FAM110B: variants seen among roughly 807,000 people sequenced by gnomAD.
The protein encoded by FAM110B is protein FAM110B.
In FAM110B, 6 loss-of-function variants were observed where a neutral mutation model predicts 20.4. The ratio of observed to expected loss-of-function variants is 0.29; its 90% CI spans 0.16 to 0.58. The LOEUF (loss-of-function observed/expected upper bound fraction) is 0.58, where lower values mean the gene tolerates loss of function less well. Ranked by LOEUF, FAM110B falls within the 20% of genes least tolerant of loss-of-function variation. The pLI, the probability that FAM110B is intolerant of heterozygous loss-of-function variation, is 0.90. For missense variants in FAM110B, 434 were observed against 498.2 expected (o/e 0.87, Z 1.23); for synonymous variants, 226 against 214.1 (o/e 1.06, Z -0.49).
At chr8:58,062,692 A>C (rs1015661079) in intron 2 of FAM110B, among the ~76,000 whole-genome samples, 1 of 152,166 alleles carries the variant, frequency 6.6e-6, no homozygotes, top group African/African-American at 2.4e-5. Flanking sequence ...ACAATCCATA[A>C]AATTTCAGAA....
Position 58,019,850 on chromosome 8 carries a change from C to A in FAM110B, c.-511-11756C>A, listed in dbSNP as rs1804715150. ...TTTTTCTTTGTATTTGCTTTGAGTT[C>A]ACTGAGCTTCTTGGTTGATTTTTTT... On this transcript the variant is annotated intron_variant, in intron 1 of 3. Coordinates refer to ENST00000519262, the MANE Select transcript of FAM110B (RefSeq NM_001377989.1). Among the ~76,000 whole-genome samples the A allele has an allele frequency of 2.0e-5, 3 of 152,160 alleles. No homozygotes were observed. The South Asian group carries it at 6.2e-4, about 32-fold the overall frequency.
chr8:58,072,464 A>T (rs757616620), intron 2 of FAM110B, among the ~76,000 whole-genome samples: 1 of 152,258 alleles, frequency 6.6e-6, no homozygotes, highest in Non-Finnish European at 1.5e-5. Context: ...AGGCTTCTTT[A>T]TAACAGAATT....
intron 1 of FAM110B, among the ~76,000 whole-genome samples, chr8:58,015,559 T>C (rs775742083): frequency 6.6e-6 from 1 of 151,772 alleles, no homozygotes; most frequent in Non-Finnish European, 1.5e-5. Flanking sequence ...TGAAAAGGCA[T>C]GAGGGGCCGG....
chr8:58,123,151 AC>A (rs1807405825), intron 3 of FAM110B, among the ~76,000 whole-genome samples: 1 of 151,904 alleles, frequency 6.6e-6, no homozygotes, highest in Non-Finnish European at 1.5e-5. Flanking sequence ...CCTGCCAAGG[AC>A]CCCCTGGATG....
At chr8:58,094,180 C>T (rs1454757179) in intron 3 of FAM110B, among the ~76,000 whole-genome samples, 1 of 152,196 alleles carries the variant, frequency 6.6e-6, no homozygotes, top group African/African-American at 2.4e-5. Context: ...AATATACAAT[C>T]ATGTCATCTG....
intron 1 of FAM110B, among the ~76,000 whole-genome samples, chr8:58,009,107 C>T (rs952926463): frequency 2.0e-5 from 3 of 152,240 alleles, no homozygotes; most frequent in African/African-American, 7.2e-5. Flanking sequence ...TGCCTGACCA[C>T]TAGACAGGGG....
At chr8:58,138,659 G>A (rs1034863897) in intron 3 of FAM110B, among the ~76,000 whole-genome samples, 6 of 152,108 alleles carry the variant, frequency 3.9e-5, no homozygotes, top group Admixed American at 6.5e-5. Context: ...AGCTTGCTTC[G>A]CCCACCTGAC....
At chr8:58,052,217 A>G (rs73236447) in intron 2 of FAM110B, among the ~76,000 whole-genome samples, 8,407 of 152,258 alleles carry the variant, frequency 0.055, 306 homozygotes, top group South Asian at 0.11. Context: ...GAAATCTTCC[A>G]TGTTTGCAGT....
Position 58,077,505 on chromosome 8 carries a change from T to C in FAM110B, c.-325+1882T>C, listed in dbSNP as rs79657482. Among the ~76,000 whole-genome samples, 821 of 152,262 alleles carry C rather than the reference T, an allele frequency of 5.4e-3. 4 individuals are homozygous for C. Among genetic ancestry groups the C allele is most frequent in the Admixed American group, 8.0e-3 (122 of 15,292 alleles). On this transcript the variant is annotated intron_variant, in intron 3 of 3. Coordinates refer to ENST00000519262, the MANE Select transcript of FAM110B (RefSeq NM_001377989.1). ...GCCAGGGAAGAACTACAGAGTTGAGTAGACCTGGCCTTCACCTCAGCTCGT... is the reference window on the plus strand; with the variant it reads ...GCCAGGGAAGAACTACAGAGTTGAGCAGACCTGGCCTTCACCTCAGCTCGT...
At chr8:58,068,687 T>C (rs1805827404) in intron 2 of FAM110B, among the ~76,000 whole-genome samples, 1 of 152,144 alleles carries the variant, frequency 6.6e-6, no homozygotes, top group Non-Finnish European at 1.5e-5. Context: ...TACCCACTTG[T>C]AGGAAATATG....
At chr8:58,133,200 A>AT (rs1334957229) in intron 3 of FAM110B, among the ~76,000 whole-genome samples, 84 of 132,944 alleles carry the variant, frequency 6.3e-4, no homozygotes, top group African/African-American at 2.4e-3. Flanking sequence ...AGTGAGCTCG[A>AT]TTTTGTTTTT....
chr8:58,109,746 C>T (rs1000185560), intron 3 of FAM110B, among the ~76,000 whole-genome samples: 3 of 152,170 alleles, frequency 2.0e-5, no homozygotes, highest in African/African-American at 4.8e-5. Flanking sequence ...CCAGTGACAT[C>T]GGAAACACGA....
At chr8:58,077,734 G>A (rs1158771568) in intron 3 of FAM110B, among the ~76,000 whole-genome samples, 2 of 152,190 alleles carry the variant, frequency 1.3e-5, no homozygotes, top group Non-Finnish European at 2.9e-5. Context: ...ATCCAGAGAA[G>A]ACAGTGAGTT....
chr8:58,119,144 T>C (rs958507977), intron 3 of FAM110B, among the ~76,000 whole-genome samples: 4 of 152,254 alleles, frequency 2.6e-5, no homozygotes, highest in African/African-American at 9.6e-5. Flanking sequence ...TTCGTGTGCA[T>C]GCCCTCCCTT....
Position 58,143,617 on chromosome 8 carries a change from A to G in FAM110B, c.-324-2290A>G, listed in dbSNP as rs191085619. Among the ~76,000 whole-genome samples, 24 of 152,372 alleles carry G rather than the reference A, an allele frequency of 1.6e-4. No homozygotes were observed. In the East Asian group the frequency reaches 4.6e-3, roughly 29 times the overall value. ...ATAGAGAAAGCAGTGTGCAAGGAAG[A>G]CAAGCAGCTTTCTGGAAAATGCTTC... On this transcript the variant is annotated intron_variant, in intron 3 of 3. Transcript: ENST00000519262.
intron 3 of FAM110B, chr8:58,113,370 C>G (rs998289267): frequency 9.1e-6 from 2 of 218,806 alleles, no homozygotes; most frequent in African/African-American, 4.6e-5. Flanking sequence ...CCCACTGCAC[C>G]TGCTCAGTGT....
intron 3 of FAM110B, among the ~76,000 whole-genome samples, chr8:58,129,532 C>G (rs1807597954): frequency 6.6e-6 from 1 of 152,232 alleles, no homozygotes; most frequent in Non-Finnish European, 1.5e-5. Flanking sequence ...TGGCTCCTGT[C>G]CAGTGGTTCC....
chr8:58,095,403 G>A (rs1407658710), intron 3 of FAM110B, among the ~76,000 whole-genome samples: 1 of 152,146 alleles, frequency 6.6e-6, no homozygotes, highest in Non-Finnish European at 1.5e-5. Context: ...TCTAAACACT[G>A]CTTTAGCTGT....
intron 2 of FAM110B, chr8:58,032,241 G>A (rs1297488539): frequency 6.6e-6 from 1 of 152,192 alleles, no homozygotes; most frequent in Admixed American, 6.5e-5. Context: ...GGGACTGTTA[G>A]AATTATAATC....
Sources: allele counts gnomAD v4.1 joint callset (sites outside exome capture counted in the v4.1 genomes callset), GRCh38; gene constraint gnomAD v4.1.1; transcripts MANE v1.5; gene names NCBI Gene and HGNC (gene_info 2026-07-23, HGNC 2026-07-21).